Variants in RUNDC3B observed in about 807,000 individuals in gnomAD.
RUNDC3B encodes RUN domain containing 3B, also known as RUN domain-containing protein 3B.
Under a neutral mutation model 58.4 loss-of-function variants are expected in RUNDC3B, and 33 were observed. The observed-to-expected ratio is 0.56, with a 90% CI of 0.43 to 0.75. The LOEUF is 0.75. Ranked by LOEUF, RUNDC3B falls within the 30% of genes least tolerant of loss-of-function variation. RUNDC3B has a pLI of 0.00. For synonymous variants in RUNDC3B, 193 were observed against 195.2 expected, an observed-to-expected ratio of 0.99 and a Z score of 0.10; for missense variants, 501 against 535.7, an observed-to-expected ratio of 0.94 and a Z score of 0.64.
intron 3 of RUNDC3B, among the ~76,000 whole-genome samples, chr7:87,707,784 A>G (rs1829740340): frequency 6.6e-6 from 1 of 152,174 alleles, no homozygotes. Context: ...TCTGAGCCAT[A>G]GTTTATCTCA....
intron 6 of RUNDC3B, among the ~76,000 whole-genome samples, chr7:87,744,961 T>C (rs1042748340): frequency 6.6e-6 from 1 of 152,200 alleles, no homozygotes; most frequent in Non-Finnish European, 1.5e-5. Flanking sequence ...TTGTCATAGA[T>C]GGCTTTTATT....
chr7:87,757,214 T>G (rs1199793618), intron 6 of RUNDC3B, among the ~76,000 whole-genome samples: 1 of 152,168 alleles, frequency 6.6e-6, no homozygotes. Flanking sequence ...ATTGTTTTTT[T>G]ATTTTACTCT....
chr7:87,631,475 C>T (rs1303476291), intron 1 of RUNDC3B, among the ~76,000 whole-genome samples: 1 of 152,170 alleles, frequency 6.6e-6, no homozygotes, highest in Non-Finnish European at 1.5e-5. Context: ...ACTGCAAGCT[C>T]CGCCTCCCGG....
intron 2 of RUNDC3B, among the ~76,000 whole-genome samples, chr7:87,655,518 T>G (rs1824008748): frequency 6.6e-6 from 1 of 152,180 alleles, no homozygotes; most frequent in African/African-American, 2.4e-5. Context: ...TCTAAAAAAG[T>G]TGAATTCGTA....
intron 3 of RUNDC3B, among the ~76,000 whole-genome samples, chr7:87,701,135 G>A (rs1223141998): frequency 6.6e-6 from 1 of 152,158 alleles, no homozygotes; most frequent in East Asian, 1.9e-4. Flanking sequence ...GTTGCTTCAA[G>A]AAAAACACTT....
rs144019218 is a variant in RUNDC3B at position 87,797,534 on chromosome 7, T to C, written c.957-9839T>C. ...CCTATGGAAAAGTTCCTGTCAGCCT[T>C]TCACTTAATGGCTTAATTGGGTGAG... On this transcript the variant is annotated intron_variant, in intron 8 of 10. Transcript: ENST00000394654. 1.2e-3 allele frequency among the ~76,000 whole-genome samples: 183 copies of C among 152,328 alleles called. 1 individual carries two copies. Among genetic ancestry groups the C allele is most frequent in the Non-Finnish European group, 1.9e-3 (127 of 68,026 alleles).
intron 8 of RUNDC3B, among the ~76,000 whole-genome samples, chr7:87,788,656 G>A (rs1029151314): frequency 1.3e-5 from 2 of 148,228 alleles, no homozygotes; most frequent in African/African-American, 5.0e-5. Flanking sequence ...TATATGGAAA[G>A]TTTGTTAAAA....
At chr7:87,700,697 C>A in intron 3 of RUNDC3B, 143 bp downstream of exon 3, 1 of 715,916 alleles carries the variant, frequency 1.4e-6, no homozygotes, top group Non-Finnish European at 2.2e-6. Flanking sequence ...GATGTTTCTA[C>A]ATTTCTTGAA....
At chr7:87,772,284 G>A (rs1834327288) in intron 7 of RUNDC3B, among the ~76,000 whole-genome samples, 1 of 151,542 alleles carries the variant, frequency 6.6e-6, no homozygotes, top group African/African-American at 2.4e-5. Flanking sequence ...ATCAGTTCTC[G>A]AGAGCCTATA....
intron 8 of RUNDC3B, among the ~76,000 whole-genome samples, chr7:87,789,611 T>A (rs1835416497): frequency 6.6e-6 from 1 of 152,158 alleles, no homozygotes. Context: ...AAAATTAAAA[T>A]CATGTTAATA....
At chr7:87,742,403 T>C (rs1290070880) in intron 6 of RUNDC3B, among the ~76,000 whole-genome samples, 3 of 152,158 alleles carry the variant, frequency 2.0e-5, no homozygotes, top group Admixed American at 6.6e-5. Context: ...ATCATTCTTA[T>C]GCCTTTGCGT....
At position 87,780,053 on chromosome 7, in the gene RUNDC3B, T is replaced by C. The variant is rs576636657; in HGVS notation, c.956+2098T>C. Among the ~76,000 whole-genome samples, 4 of 152,316 alleles carry C rather than the reference T, an allele frequency of 2.6e-5. No homozygotes were observed. In the East Asian group the frequency reaches 5.8e-4, roughly 22 times the overall value. On this transcript the variant is annotated intron_variant, in intron 8 of 10. Transcript: ENST00000394654. ...CACTGTGAATGAGCTCCTCAGTTGA[T>C]TCTATGACTTTGCTATTGTCAATAG...
At chr7:87,652,646 A>ATATATATATATATATATATATG (rs1563105075) in intron 2 of RUNDC3B, among the ~76,000 whole-genome samples, 5 of 147,220 alleles carry the variant, frequency 3.4e-5, no homozygotes, top group African/African-American at 7.6e-5. Context: ...ATATATATAT[A>ATATATATATATATATATATATG]GTAGGAAGTA....
intron 10 of RUNDC3B, among the ~76,000 whole-genome samples, chr7:87,821,491 AC>A (rs1244252171): frequency 2.0e-5 from 3 of 152,130 alleles, no homozygotes; most frequent in Non-Finnish European, 4.4e-5. Flanking sequence ...ATTCAATGCC[AC>A]CCCCATCAAG....
At chr7:87,788,703 C>CTTTTTTTTTTTTTTT (rs5885597) in intron 8 of RUNDC3B, among the ~76,000 whole-genome samples, 10 of 128,300 alleles carry the variant, frequency 7.8e-5, no homozygotes, top group Non-Finnish European at 1.0e-4. Flanking sequence ...CTTTTCAAAA[C>CTTTTTTTTTTTTTTT]TTTTTTTTTT....
intron 1 of RUNDC3B, among the ~76,000 whole-genome samples, chr7:87,638,504 G>A (rs753410796): frequency 7.9e-5 from 12 of 151,996 alleles, no homozygotes; most frequent in Middle Eastern, 3.4e-3. Flanking sequence ...ATTTAGTAAC[G>A]GAATCAATTC....
chr7:87,672,050 G>A (rs958776026), intron 2 of RUNDC3B, among the ~76,000 whole-genome samples: 4 of 152,134 alleles, frequency 2.6e-5, no homozygotes, highest in African/African-American at 4.8e-5. Context: ...CCCCTGGTCT[G>A]CTCAGACTCT....
chr7:87,702,107 C>A (rs562070576), intron 3 of RUNDC3B, among the ~76,000 whole-genome samples: 1 of 121,942 alleles, frequency 8.2e-6, no homozygotes, highest in Non-Finnish European at 1.6e-5. Context: ...CGCGCCACTG[C>A]ACTCCAGCCT....
At chr7:87,761,305 T>C (rs1412249824) in intron 6 of RUNDC3B, among the ~76,000 whole-genome samples, 2 of 151,974 alleles carry the variant, frequency 1.3e-5, no homozygotes, top group Admixed American at 6.6e-5. Flanking sequence ...AGGATAGCTA[T>C]ATCCAAAATC....
Sources: gnomAD v4.1 joint callset for allele counts (sites outside exome capture counted in the v4.1 genomes callset) on GRCh38, gnomAD v4.1.1 for gene constraint, MANE v1.5 for transcripts, NCBI Gene and HGNC (gene_info 2026-07-23, HGNC 2026-07-21) for gene names.